Variants in LRP2 observed in about 807,000 individuals in gnomAD.
LRP2 encodes the protein LDL receptor related protein 2, also known as low-density lipoprotein receptor-related protein 2.
A neutral mutation model predicts 531.0 loss-of-function variants in LRP2; 172 were observed. That is an observed-to-expected ratio of 0.32 (90% confidence interval 0.29 to 0.37). The LOEUF (loss-of-function observed/expected upper bound fraction) is 0.37, where lower values mean the gene tolerates loss of function less well. Ranked by LOEUF, LRP2 falls within the 10% of genes least tolerant of loss-of-function variation. The pLI, the probability that LRP2 is intolerant of heterozygous loss-of-function variation, is 1.00. For missense variants in LRP2, 5,167 were observed against 5,868.3 expected (o/e 0.88, Z 3.90); for synonymous variants, 1,992 against 2,027.6 (o/e 0.98, Z 0.47).
chr2:169,290,762 C>T, intron 8 of LRP2, 83 bp downstream of exon 8: 2 of 1,436,984 alleles, frequency 1.4e-6, no homozygotes, highest in South Asian at 1.2e-5. Flanking sequence ...CAAATGCCAA[C>T]AGATACACTG....
chr2:169,200,068 GT>G (rs1688146754), intron 44 of LRP2, among the ~76,000 whole-genome samples: 1 of 152,094 alleles, frequency 6.6e-6, no homozygotes, highest in Non-Finnish European at 1.5e-5. Flanking sequence ...GGCTAACATG[GT>G]GAAACCTCGT....
At position 169,150,991 on chromosome 2, in the gene LRP2, A is replaced by G. The variant is rs1185649657; in HGVS notation, c.12497T>C (p.Ile4166Thr). ...CCTTCCATCAAGTTTAGCCACCTCAATGCGTTTATTCTTGACATCTGACCA... is the reference window on the plus strand; with the variant it reads ...CCTTCCATCAAGTTTAGCCACCTCAGTGCGTTTATTCTTGACATCTGACCA... The part of the protein sequence containing the change: ...IYWSDVKNKR[I>T]EVAKLDGRYR... Residue 4166 changes from isoleucine (I) to threonine (T), a missense_variant, in exon 68 of 79, where the codon ATT becomes ACT. Physicochemically the swap from Ile to Thr is moderately conservative, Grantham distance 89. Around this residue, in one of 6 missense-constraint regions of LRP2, gnomAD observed 564 missense variants for 747.7 expected, o/e 0.75. Transcript: ENST00000649046. The G allele has an allele frequency of 6.2e-7, 1 of 1,613,938 alleles. No homozygotes were observed. The highest frequency in any genetic ancestry group is 2.2e-5 in the East Asian group (1 of 44,888).
intron 16 of LRP2, among the ~76,000 whole-genome samples, chr2:169,264,780 A>C (rs1362179128): frequency 6.6e-6 from 1 of 152,004 alleles, no homozygotes; most frequent in Non-Finnish European, 1.5e-5. Flanking sequence ...GGCTCAGATA[A>C]AGCAAGATAA....
chr2:169,128,331 A>G lies in LRP2; in HGVS notation c.*332T>C, dbSNP rs903534513. 1.3e-5 allele frequency: 3 copies of G among 236,936 alleles called. No homozygotes were observed. Among genetic ancestry groups the G allele is most frequent in the African/African-American group, 7.0e-5 (3 of 42,774 alleles). 14.7% of individuals were successfully genotyped at this position (236,936 alleles called of 1,614,324 possible). ...TCCTTTTCTTGTTGGATCATTTACT[A>G]TAATGATCACCAACCAAATCAGCAG... On this transcript the variant is annotated 3_prime_UTR_variant, in exon 79 of 79. Coordinates refer to ENST00000649046, the MANE Select transcript of LRP2 (RefSeq NM_004525.3).
chr2:169,291,067 T>A, intron 7 of LRP2, 70 bp from the exon 8 acceptor site: 4 of 1,403,012 alleles, frequency 2.9e-6, no homozygotes, highest in South Asian at 1.2e-5. Flanking sequence ...AATCAGTGGT[T>A]TACAGAGGAT....
intron 16 of LRP2, among the ~76,000 whole-genome samples, chr2:169,265,229 G>A (rs1336615612): frequency 6.6e-6 from 1 of 151,964 alleles, no homozygotes. Context: ...CCTCATGAAG[G>A]AAAATGGAGG....
chr2:169,178,008 G>T lies in LRP2; in HGVS notation c.10188C>A (p.Gly3396=). 6.2e-7 allele frequency: 1 copy of T among 1,613,552 alleles called. No homozygotes were observed. Among genetic ancestry groups the T allele is most frequent in the Non-Finnish European group, 8.5e-7 (1 of 1,179,856 alleles). Residue 3396 remains glycine, a synonymous_variant, in exon 53 of 79, where the codon GGC becomes GGA. Transcript: ENST00000649046. ...CATCATACACCGTGTGTCGATGGTG[G>T]CCCTCCAAATCAGAGTACCTGCAGC... ...LGYIEYSDLE[G]HHRHTVYDGA...
intron 21 of LRP2, 74 bp from the exon 22 acceptor site, chr2:169,245,006 G>A (rs183642731): frequency 3.4e-5 from 53 of 1,566,266 alleles, no homozygotes; most frequent in East Asian, 1.8e-4. Flanking sequence ...CCTTATAAAG[G>A]CTCAGTTCAC....
At chr2:169,194,723 T>A (rs1017770069) in intron 46 of LRP2, among the ~76,000 whole-genome samples, 2 of 147,502 alleles carry the variant, frequency 1.4e-5, no homozygotes, top group African/African-American at 5.0e-5. Context: ...AGACTTTTTT[T>A]TTTTTTTTTT....
chr2:169,307,881 AT>A (rs768353619), intron 3 of LRP2, among the ~76,000 whole-genome samples: 1 of 152,174 alleles, frequency 6.6e-6, no homozygotes, highest in Non-Finnish European at 1.5e-5. Flanking sequence ...CCATGTATCA[AT>A]TTTATAAAGA....
At chr2:169,170,919 C>CTTTTT (rs1447923858) in intron 58 of LRP2, among the ~76,000 whole-genome samples, 2 of 76,538 alleles carry the variant, frequency 2.6e-5, no homozygotes, top group African/African-American at 4.9e-5. Flanking sequence ...CTCTCTCTCT[C>CTTTTT]TGTTTTTTTT....
chr2:169,198,755 G>T (rs377694673), intron 45 of LRP2, 31 bp downstream of exon 45: 31 of 1,610,254 alleles, frequency 1.9e-5, no homozygotes, highest in Non-Finnish European at 2.5e-5. Flanking sequence ...TCTCTGGAAC[G>T]ATAGAAAGAA....
At chr2:169,320,231 T>C (rs906229292) in intron 2 of LRP2, among the ~76,000 whole-genome samples, 2 of 152,248 alleles carry the variant, frequency 1.3e-5, no homozygotes, top group African/African-American at 4.8e-5. Context: ...TATAATTAAT[T>C]AGATTTGAAG....
At chr2:169,352,067 A>C (rs1006539973) in intron 1 of LRP2, among the ~76,000 whole-genome samples, 1 of 152,186 alleles carries the variant, frequency 6.6e-6, no homozygotes, top group African/African-American at 2.4e-5. Context: ...TTCCATTCCA[A>C]GCATGGAACA....
rs143045732 is a variant in LRP2 at position 169,242,891 on chromosome 2, A to G, written c.3667+65T>C. 473 of 1,173,878 alleles carry G rather than the reference A, an allele frequency of 4.0e-4. 1 individual carries two copies. The African/African-American group carries it at 6.4e-3, about 16-fold the overall frequency. 72.7% of individuals were successfully genotyped at this position (1,173,878 alleles called of 1,614,324 possible). A position where few individuals can be genotyped will look rare whatever the true frequency, so the allele number is the denominator to read the frequency against. ...TTAGGGAAAATGTGTGGCAATATCAATATCAATACTGGCAAAAATGAAATG... is the reference window on the plus strand; with the variant it reads ...TTAGGGAAAATGTGTGGCAATATCAGTATCAATACTGGCAAAAATGAAATG... On this transcript the variant is annotated intron_variant, in intron 24 of 78. Coordinates refer to ENST00000649046, the MANE Select transcript of LRP2 (RefSeq NM_004525.3).
intron 38 of LRP2, among the ~76,000 whole-genome samples, chr2:169,208,962 C>T (rs1688500347): frequency 6.6e-6 from 1 of 151,932 alleles, no homozygotes; most frequent in Non-Finnish European, 1.5e-5. Flanking sequence ...CTGGACCAGG[C>T]ATTTAAAAAA....
At chr2:169,248,534 T>C (rs766262777) in intron 19 of LRP2, among the ~76,000 whole-genome samples, 1 of 152,260 alleles carries the variant, frequency 6.6e-6, no homozygotes, top group Non-Finnish European at 1.5e-5. Context: ...CAAGAAGATC[T>C]AGCCCTTTAG....
At position 169,173,871 on chromosome 2, in the gene LRP2, C is replaced by T. The variant is rs373190644; in HGVS notation, c.11014+48G>A. ...CTCTCAGTCCCCATGGAAGTTTCCTCGTGTCTCCCTGCTCTGGTCATGCCT... is the reference window on the plus strand; with the variant it reads ...CTCTCAGTCCCCATGGAAGTTTCCTTGTGTCTCCCTGCTCTGGTCATGCCT... On this transcript the variant is annotated intron_variant, in intron 56 of 78. Coordinates refer to ENST00000649046, the MANE Select transcript of LRP2 (RefSeq NM_004525.3). The T allele has an allele frequency of 5.6e-5, 90 of 1,612,168 alleles. No individual in the cohort carries two copies. The African/African-American group carries it at 1.0e-3, about 18-fold the overall frequency.
intron 12 of LRP2, among the ~76,000 whole-genome samples, chr2:169,278,678 T>C (rs1391809387): frequency 1.3e-5 from 2 of 152,198 alleles, no homozygotes; most frequent in African/African-American, 2.4e-5. Flanking sequence ...ATAGCTGATA[T>C]AATGAAGTAG....
Sources: allele counts gnomAD v4.1 joint callset (sites outside exome capture counted in the v4.1 genomes callset), GRCh38; gene constraint gnomAD v4.1.1; regional missense constraint gnomAD v4.1.1; transcripts MANE v1.5; gene names NCBI Gene and HGNC (gene_info 2026-07-23, HGNC 2026-07-21).